Variants in SESN1 observed in about 807,000 individuals in gnomAD.
The protein encoded by SESN1 is sestrin 1.
Under a neutral mutation model 59.3 loss-of-function variants are expected in SESN1, and 30 were observed. The observed-to-expected ratio is 0.51, with a 90% confidence interval of 0.38 to 0.69. The LOEUF (loss-of-function observed/expected upper bound fraction) is 0.69. SESN1 is among the 30% of genes least tolerant of loss of function. The probability of loss-of-function intolerance (pLI) is 0.00; values close to 1 mark genes in which losing one functional copy is unlikely to be tolerated. For synonymous variants in SESN1, 197 were observed against 219.9 expected (o/e 0.90, Z 0.92); for missense variants, 566 against 673.0 (o/e 0.84, Z 1.76).
At chr6:109,023,415 T>C (rs563038311) in intron 1 of SESN1, among the ~76,000 whole-genome samples, 2 of 152,348 alleles carry the variant, frequency 1.3e-5, no homozygotes, top group South Asian at 2.1e-4. Flanking sequence ...TTTACCATGC[T>C]AACAGTGACT....
chr6:109,092,311 T>C (rs1781327970), intron 1 of SESN1, among the ~76,000 whole-genome samples: 1 of 152,232 alleles, frequency 6.6e-6, no homozygotes. Flanking sequence ...TGCCCAAGGT[T>C]ACAGGCAAGG....
At chr6:109,047,002 A>G (rs1440338549) in intron 1 of SESN1, among the ~76,000 whole-genome samples, 1 of 64,762 alleles carries the variant, frequency 1.5e-5, no homozygotes, top group South Asian at 8.6e-4. Flanking sequence ...GGGGGGGGTC[A>G]GCCCCCTGCC....
chr6:109,059,976 C>T (rs1052468042), intron 1 of SESN1, among the ~76,000 whole-genome samples: 1 of 152,184 alleles, frequency 6.6e-6, no homozygotes, highest in Admixed American at 6.5e-5. Context: ...CTTTGCTACA[C>T]CATGGTATTC....
intron 1 of SESN1, among the ~76,000 whole-genome samples, chr6:109,051,508 T>A (rs1224744950): frequency 6.6e-6 from 1 of 152,180 alleles, no homozygotes; most frequent in Non-Finnish European, 1.5e-5. Context: ...TCTTATTACC[T>A]TTTTGCTTAC....
At chr6:109,035,456 T>C (rs566677772) in intron 1 of SESN1, among the ~76,000 whole-genome samples, 2 of 151,152 alleles carry the variant, frequency 1.3e-5, no homozygotes, top group African/African-American at 4.9e-5. Flanking sequence ...ACATATGGAG[T>C]AGGTAGGAAG....
At chr6:109,046,100 G>GCCCTCT (rs113033876) in intron 1 of SESN1, among the ~76,000 whole-genome samples, 16,916 of 151,846 alleles carry the variant, frequency 0.11, 1,031 homozygotes, top group South Asian at 0.18. Flanking sequence ...TGTAGCTCTA[G>GCCCTCT]CCCTCTCCCT....
intron 5 of SESN1, among the ~76,000 whole-genome samples, chr6:108,998,209 A>G (rs1034073937): frequency 6.6e-6 from 1 of 152,214 alleles, no homozygotes; most frequent in Non-Finnish European, 1.5e-5. Context: ...GCAGTAGCCA[A>G]TCAATATTAT....
At position 109,011,069 on chromosome 6, in the gene SESN1, TCA is replaced by T. The variant is rs201166410; in HGVS notation, c.280-8728_280-8727del. ...AGGTATGATTTTATTTCTGAAGGAATCACAGTTTTAGTTGTCTAGTAGGGCAT... is the reference window on the plus strand; with the variant it reads ...AGGTATGATTTTATTTCTGAAGGAATCAGTTTTAGTTGTCTAGTAGGGCAT... On this transcript the variant is annotated intron_variant, in intron 1 of 9. Transcript: ENST00000436639. 5.3e-3 allele frequency among the ~76,000 whole-genome samples: 805 copies of T among 152,362 alleles called. 3 individuals are homozygous for T. Among genetic ancestry groups the T allele is most frequent in the Non-Finnish European group, 8.1e-3 (553 of 68,030 alleles).
intron 1 of SESN1, among the ~76,000 whole-genome samples, chr6:109,049,266 A>G (rs1780503975): frequency 6.6e-6 from 1 of 152,236 alleles, no homozygotes; most frequent in Admixed American, 6.5e-5. Context: ...AAGTAAAATA[A>G]GCCAGGAACA....
At chr6:109,027,681 GGA>G (rs1188458026) in intron 1 of SESN1, among the ~76,000 whole-genome samples, 1 of 151,978 alleles carries the variant, frequency 6.6e-6, no homozygotes, top group East Asian at 1.9e-4. Context: ...TATGTAGCAG[GGA>G]GAGACCAGGG....
At position 109,094,082 on chromosome 6, in the gene SESN1, T is replaced by A. The variant is rs375649976; in HGVS notation, c.-9A>T. On this transcript the variant is annotated 5_prime_UTR_variant, in exon 1 of 10. Transcript: ENST00000436639. ...TTCTCTCCTTCAGCCATGACAATAG[T>A]TTTTCCTTTGCGGTCTTCAGTTACC... is the stretch of plus-strand genomic sequence containing the variant. 2.1e-5 allele frequency: 33 copies of A among 1,605,328 alleles called. No homozygotes were observed. The highest frequency in any genetic ancestry group is 1.7e-4 in the Middle Eastern group (1 of 6,054).
chr6:109,060,577 C>T (rs1455106167), intron 1 of SESN1, among the ~76,000 whole-genome samples: 1 of 152,100 alleles, frequency 6.6e-6, no homozygotes, highest in Non-Finnish European at 1.5e-5. Flanking sequence ...AGGGAAAATT[C>T]CTCAAAGGCA....
At chr6:109,043,350 G>A (rs1780370647) in intron 1 of SESN1, among the ~76,000 whole-genome samples, 1 of 151,966 alleles carries the variant, frequency 6.6e-6, no homozygotes, top group Admixed American at 6.6e-5. Flanking sequence ...GGGCAATAAG[G>A]CAAGAAAAGT....
At position 109,055,305 on chromosome 6, in the gene SESN1, T is replaced by C. The variant is rs115053287; in HGVS notation, c.279+38490A>G. ...AGTTTTTCAGACTCTACTTTCTTGTTTTCAAGTTGTGTGGTATTTTTCAGA... is the reference window on the plus strand; with the variant it reads ...AGTTTTTCAGACTCTACTTTCTTGTCTTCAAGTTGTGTGGTATTTTTCAGA... On this transcript the variant is annotated intron_variant, in intron 1 of 9. Coordinates refer to ENST00000436639, the MANE Select transcript of SESN1 (RefSeq NM_014454.3). 2.4e-3 allele frequency among the ~76,000 whole-genome samples: 363 copies of C among 152,274 alleles called. 1 individual carries two copies. The highest frequency in any genetic ancestry group is 8.3e-3 in the African/African-American group (346 of 41,544).
intron 1 of SESN1, among the ~76,000 whole-genome samples, chr6:109,065,989 A>C (rs570586129): frequency 3.2e-4 from 48 of 152,248 alleles, no homozygotes; most frequent in African/African-American, 1.1e-3. Context: ...ATCTTAAAAG[A>C]GGCAAGTTTA....
At chr6:109,063,803 C>A (rs959090211) in intron 1 of SESN1, among the ~76,000 whole-genome samples, 1 of 151,186 alleles carries the variant, frequency 6.6e-6, no homozygotes, top group Admixed American at 6.6e-5. Flanking sequence ...CTATTCATTA[C>A]ATATTGTGAA....
intron 1 of SESN1, among the ~76,000 whole-genome samples, chr6:109,071,873 T>A (rs891081119): frequency 6.6e-6 from 1 of 152,234 alleles, no homozygotes; most frequent in East Asian, 1.9e-4. Context: ...AAGTTTAACA[T>A]GCAGCAGGTC....
At chr6:109,018,651 T>C (rs1184291340) in intron 1 of SESN1, among the ~76,000 whole-genome samples, 1 of 152,238 alleles carries the variant, frequency 6.6e-6, no homozygotes, top group Non-Finnish European at 1.5e-5. Flanking sequence ...TTAACTTTTA[T>C]GTTTATAATA....
Position 109,092,362 on chromosome 6 carries a change from C to T in SESN1, c.279+1433G>A, listed in dbSNP as rs191652530. Among the ~76,000 whole-genome samples the T allele has an allele frequency of 1.2e-4, 19 of 152,272 alleles. 1 individual carries two copies. In the East Asian group the frequency reaches 3.3e-3, roughly 26 times the overall value. The stretch of plus-strand genomic sequence containing the variant: ...TGGAATTTGAGCCCAACTCTGACTC[C>T]AGTACCCACTTATTTATCATTATAT... On this transcript the variant is annotated intron_variant, in intron 1 of 9. Coordinates refer to ENST00000436639, the MANE Select transcript of SESN1 (RefSeq NM_014454.3).
Sources: allele counts gnomAD v4.1 joint callset (sites outside exome capture counted in the v4.1 genomes callset), GRCh38; gene constraint gnomAD v4.1.1; transcripts MANE v1.5; gene names NCBI Gene and HGNC (gene_info 2026-07-23, HGNC 2026-07-21).